Variants in RANBP2 observed in about 807,000 individuals in gnomAD.
RANBP2 encodes the protein E3 SUMO-protein ligase RanBP2.
A neutral mutation model predicts 303.6 loss-of-function variants in RANBP2; 57 were observed. The observed-to-expected ratio is 0.19, with a 90% CI of 0.15 to 0.23. The LOEUF (loss-of-function observed/expected upper bound fraction) is 0.23, where lower values mean the gene tolerates loss of function less well. Among genes scored for constraint, RANBP2 ranks in the 10% least tolerant of loss-of-function variants. RANBP2 has a pLI of 1.00. For missense variants in RANBP2, 3,138 were observed against 3,780.8 expected, an observed-to-expected ratio of 0.83 and a Z score of 4.46; for synonymous variants, 1,167 against 1,301.5, an observed-to-expected ratio of 0.90 and a Z score of 2.23.
the RANBP2 span, among the ~76,000 whole-genome samples, chr2:109,694,429 G>C: frequency 7.0e-6 from 1 of 142,898 alleles, no homozygotes; most frequent in African/African-American, 2.5e-5. Context: ...TTTTGAGATG[G>C]AATCTCACTC....
chr2:109,544,930 AAAAC>A, the RANBP2 span: 89 of 982,158 alleles, frequency 9.1e-5, no homozygotes, highest in Admixed American at 1.2e-4. Context: ...CTTTTCCAAA[AAAAC>A]AAACAAACAA....
At chr2:109,353,772 C>T in the RANBP2 span, among the ~76,000 whole-genome samples, 2 of 152,206 alleles carry the variant, frequency 1.3e-5, no homozygotes, top group Non-Finnish European at 2.9e-5. Flanking sequence ...GAGAGAGTCT[C>T]CCCTGCCCGT....
the RANBP2 span, among the ~76,000 whole-genome samples, chr2:108,942,599 G>A: frequency 6.6e-6 from 1 of 152,240 alleles, no homozygotes; most frequent in Non-Finnish European, 1.5e-5. Context: ...GTGAGTCTGC[G>A]CTGAGTGAGG....
the RANBP2 span, among the ~76,000 whole-genome samples, chr2:109,542,567 G>C: frequency 1.3e-5 from 2 of 152,168 alleles, no homozygotes; most frequent in Admixed American, 6.5e-5. Flanking sequence ...GCCCATCTGT[G>C]AACAGTCTGC....
chr2:108,796,309 C>T, the RANBP2 span, among the ~76,000 whole-genome samples: 3 of 152,162 alleles, frequency 2.0e-5, no homozygotes, highest in South Asian at 2.1e-4. Flanking sequence ...CCGCCTCTGC[C>T]TCCCAAAGTG....
At chr2:109,009,702 C>CTTTTTTTTTTT in the RANBP2 span, among the ~76,000 whole-genome samples, 4 of 123,124 alleles carry the variant, frequency 3.2e-5, 1 homozygote, top group Admixed American at 8.3e-5. Flanking sequence ...ACATTTTTAC[C>CTTTTTTTTTTT]TTTTTTTTGT....
chr2:109,603,106 TA>T, the RANBP2 span, among the ~76,000 whole-genome samples: 37 of 151,720 alleles, frequency 2.4e-4, no homozygotes, highest in African/African-American at 8.0e-4. Context: ...AAAAAAGCAT[TA>T]AAAGGACCTA....
At chr2:109,571,982 G>C in the RANBP2 span, among the ~76,000 whole-genome samples, 2 of 152,202 alleles carry the variant, frequency 1.3e-5, no homozygotes, top group African/African-American at 4.8e-5. Context: ...TCAATAAACT[G>C]TGCCTGTTAA....
At chr2:108,771,565 C>T (rs1677496518) in intron 20 of RANBP2, 136 bp from the exon 21 acceptor site, 7 of 1,410,274 alleles carry the variant, frequency 5.0e-6, no homozygotes, top group Non-Finnish European at 6.6e-6. Flanking sequence ...TACATCTCTG[C>T]ATCAAAGTAT....
the RANBP2 span, among the ~76,000 whole-genome samples, chr2:109,264,544 C>G: frequency 3.3e-5 from 5 of 152,260 alleles, no homozygotes; most frequent in African/African-American, 1.2e-4. Context: ...GTCTCAGGGC[C>G]AAAGCCAGGC....
chr2:109,762,177 T>C, the RANBP2 span, among the ~76,000 whole-genome samples: 1 of 142,838 alleles, frequency 7.0e-6, no homozygotes, highest in Middle Eastern at 3.5e-3. Context: ...GTAATAAAAC[T>C]TTTACGTATT....
chr2:108,889,132 CT>C, the RANBP2 span, among the ~76,000 whole-genome samples: 1 of 151,788 alleles, frequency 6.6e-6, no homozygotes, highest in Non-Finnish European at 1.5e-5. Flanking sequence ...GTATTGATTT[CT>C]AGTTTTATCC....
the RANBP2 span, among the ~76,000 whole-genome samples, chr2:109,500,209 G>C: frequency 3.9e-5 from 6 of 152,298 alleles, no homozygotes; most frequent in Admixed American, 2.0e-4. Flanking sequence ...TATGTTAGTG[G>C]TTGTTCAAGT....
the RANBP2 span, among the ~76,000 whole-genome samples, chr2:109,722,532 A>C: frequency 1.2e-4 from 19 of 152,236 alleles, no homozygotes; most frequent in Non-Finnish European, 2.1e-4. Context: ...CAGGTTTGTT[A>C]CATAGATAAA....
the RANBP2 span, among the ~76,000 whole-genome samples, chr2:108,822,216 A>C: frequency 7.9e-5 from 12 of 152,326 alleles, no homozygotes; most frequent in East Asian, 2.3e-3. Context: ...GAGACAAAGG[A>C]CACTATATAA....
chr2:109,168,943 C>T, the RANBP2 span, among the ~76,000 whole-genome samples: 43 of 152,266 alleles, frequency 2.8e-4, no homozygotes, highest in African/African-American at 1.0e-3. Flanking sequence ...ATCATCTTCT[C>T]GAGGGCTCAG....
At chr2:109,683,043 TTGCCCAGGCTGGAGTGCAG>T in the RANBP2 span, among the ~76,000 whole-genome samples, 2 of 152,196 alleles carry the variant, frequency 1.3e-5, no homozygotes, top group Admixed American at 1.3e-4. Context: ...TCTTGCTCTG[TTGCCCAGGCTGGAGTGCAG>T]TGGCGTGATG....
chr2:109,278,497 C>G, the RANBP2 span, among the ~76,000 whole-genome samples: 1 of 152,192 alleles, frequency 6.6e-6, no homozygotes. Context: ...TGATGAGGCA[C>G]AAGGATTCAG....
chr2:109,368,690 A>G, the RANBP2 span, among the ~76,000 whole-genome samples: 1 of 147,758 alleles, frequency 6.8e-6, no homozygotes, highest in African/African-American at 2.5e-5. Context: ...ACCAGTGTGG[A>G]TATCATGGTA....
Sources: gnomAD v4.1 joint callset for allele counts (sites outside exome capture counted in the v4.1 genomes callset) on GRCh38, gnomAD v4.1.1 for gene constraint, MANE v1.5 for transcripts, NCBI Gene and HGNC (gene_info 2026-07-23, HGNC 2026-07-21) for gene names.